Variants in OSBPL8 observed in about 807,000 individuals in gnomAD.
OSBPL8 encodes the protein oxysterol-binding protein-related protein 8.
A neutral mutation model predicts 125.5 loss-of-function variants in OSBPL8; 59 were observed. That is an observed-to-expected ratio of 0.47 (90% CI 0.38 to 0.58). The LOEUF (loss-of-function observed/expected upper bound fraction) is 0.58, where lower values mean the gene tolerates loss of function less well. Among genes scored for constraint, OSBPL8 ranks in the 20% least tolerant of loss-of-function variants. The pLI is 0.00. For missense variants in OSBPL8, 758 were observed against 1,047.8 expected (o/e 0.72, Z 3.82); for synonymous variants, 330 against 338.9 (o/e 0.97, Z 0.29).
Position 76,355,972 on chromosome 12 carries a change from C to T in OSBPL8, c.2587G>A (p.Asp863Asn). The stretch of plus-strand genomic sequence containing the variant: ...TAGTCTTTTTGTTGCAGAAAATAAT[C>T]CGTGGCCGGTGTGCTTGAAACTAAA... Reference protein sequence around the residue: ...NHLVSSTPATDYFLQQKDYFI... With the variant: ...NHLVSSTPATNYFLQQKDYFI... Residue 863 changes from aspartate (D) to asparagine (N), a missense_variant, in exon 24 of 24, where the codon GAT becomes AAT. Around this residue, in one of 3 missense-constraint regions of OSBPL8, gnomAD observed 572 missense variants for 762.0 expected, o/e 0.75. Coordinates refer to ENST00000261183, the MANE Select transcript of OSBPL8 (RefSeq NM_020841.5). 1.2e-6 allele frequency: 2 copies of T among 1,613,308 alleles called. No individual in the cohort carries two copies. Among genetic ancestry groups the T allele is most frequent in the Non-Finnish European group, 1.7e-6 (2 of 1,179,526 alleles).
At chr12:76,373,650 T>C (rs1057394364) in intron 17 of OSBPL8, among the ~76,000 whole-genome samples, 2 of 152,100 alleles carry the variant, frequency 1.3e-5, no homozygotes, top group African/African-American at 4.8e-5. Context: ...AAGCAGACTA[T>C]ATTAAATCAA....
chr12:76,379,479 T>C (rs981524032), intron 15 of OSBPL8, among the ~76,000 whole-genome samples: 12 of 152,150 alleles, frequency 7.9e-5, no homozygotes, highest in African/African-American at 2.9e-4. Flanking sequence ...ACAATCAAGA[T>C]ATAGAACTTC....
intron 5 of OSBPL8, among the ~76,000 whole-genome samples, chr12:76,408,143 T>TTAA (rs1555215277): frequency 2.2e-5 from 2 of 92,030 alleles, no homozygotes; most frequent in Non-Finnish European, 4.3e-5. Flanking sequence ...CCTCATCTCT[T>TTAA]AAAAAAAAAA....
At chr12:76,507,118 T>C (rs555153783) in intron 1 of OSBPL8, among the ~76,000 whole-genome samples, 16 of 151,836 alleles carry the variant, frequency 1.1e-4, no homozygotes, top group African/African-American at 3.9e-4. Flanking sequence ...ACTAGTTGAA[T>C]TCAAAGTATA....
chr12:76,447,927 G>A (rs994389910), intron 4 of OSBPL8, among the ~76,000 whole-genome samples: 1 of 152,166 alleles, frequency 6.6e-6, no homozygotes, highest in Non-Finnish European at 1.5e-5. Flanking sequence ...AGGACGTAAT[G>A]ACATAACCAA....
intron 1 of OSBPL8, among the ~76,000 whole-genome samples, chr12:76,517,139 G>A (rs1219252224): frequency 6.6e-6 from 1 of 152,076 alleles, no homozygotes; most frequent in Non-Finnish European, 1.5e-5. Flanking sequence ...GATCTCATGG[G>A]TGCTTATATA....
chr12:76,381,185 A>G (rs888704451), intron 15 of OSBPL8, among the ~76,000 whole-genome samples: 4 of 152,070 alleles, frequency 2.6e-5, no homozygotes, highest in African/African-American at 9.7e-5. Context: ...ATGTATAAGG[A>G]TATTAGATCT....
intron 3 of OSBPL8, among the ~76,000 whole-genome samples, chr12:76,457,101 A>G (rs1249056231): frequency 6.6e-6 from 1 of 152,230 alleles, no homozygotes; most frequent in East Asian, 1.9e-4. Flanking sequence ...TTTTTAAAGC[A>G]ATATGCAATT....
chr12:76,394,798 C>T (rs1216938505), intron 8 of OSBPL8, 69 bp from the exon 9 acceptor site: 4 of 1,028,334 alleles, frequency 3.9e-6, no homozygotes, highest in African/African-American at 1.7e-5. Flanking sequence ...TTACACTATC[C>T]AATATTATCT....
chr12:76,473,630 A>G (rs774862808), intron 2 of OSBPL8, among the ~76,000 whole-genome samples: 22 of 152,196 alleles, frequency 1.4e-4, no homozygotes, highest in Non-Finnish European at 2.9e-4. Context: ...GTTGCCCCCA[A>G]TACTCCACAA....
chr12:76,518,463 C>G (rs538769661), intron 1 of OSBPL8, among the ~76,000 whole-genome samples: 9 of 152,310 alleles, frequency 5.9e-5, no homozygotes, highest in Non-Finnish European at 1.2e-4. Flanking sequence ...AACAGTAGAT[C>G]TACCATTCTG....
chr12:76,378,438 T>A lies in OSBPL8; in HGVS notation c.1729+14A>T, dbSNP rs369933385. ...GAAAGCTTAATATCTAATTCAAGTA[T>A]AGAAAATATTTACCTTTACAATGAG... is the stretch of plus-strand genomic sequence containing the variant. On this transcript the variant is annotated intron_variant, in intron 16 of 23. Transcript: ENST00000261183. The A allele has an allele frequency of 6.7e-7, 1 of 1,483,960 alleles. No homozygotes were observed. Among genetic ancestry groups the A allele is most frequent in the South Asian group, 1.2e-5 (1 of 82,778 alleles). 91.9% of individuals were successfully genotyped at this position (1,483,960 alleles called of 1,614,324 possible). A position where few individuals can be genotyped will look rare whatever the true frequency, so the allele number is the denominator to read the frequency against.
At chr12:76,427,793 C>A (rs943493135) in intron 4 of OSBPL8, among the ~76,000 whole-genome samples, 1 of 151,980 alleles carries the variant, frequency 6.6e-6, no homozygotes, top group Non-Finnish European at 1.5e-5. Flanking sequence ...GAAACAGATT[C>A]TGGTCTATGG....
chr12:76,458,186 C>T (rs953544357), intron 3 of OSBPL8, among the ~76,000 whole-genome samples: 1 of 152,014 alleles, frequency 6.6e-6, no homozygotes, highest in Non-Finnish European at 1.5e-5. Flanking sequence ...GTGGGAAGAT[C>T]GCTTGAGTCT....
chr12:76,555,538 T>C (rs1951068741), intron 1 of OSBPL8, among the ~76,000 whole-genome samples: 1 of 152,224 alleles, frequency 6.6e-6, no homozygotes, highest in Non-Finnish European at 1.5e-5. Context: ...GACAAACGTT[T>C]TAATAATTTT....
intron 8 of OSBPL8, 29 bp from the exon 9 acceptor site, chr12:76,394,758 G>A (rs1953721505): frequency 5.4e-6 from 8 of 1,483,634 alleles, no homozygotes; most frequent in Non-Finnish European, 7.4e-6. Flanking sequence ...AAAATAAATG[G>A]TATAGAGTAA....
intron 1 of OSBPL8, among the ~76,000 whole-genome samples, chr12:76,543,824 C>G (rs1230151144): frequency 6.6e-6 from 1 of 152,140 alleles, no homozygotes; most frequent in Non-Finnish European, 1.5e-5. Context: ...AGAGTATACT[C>G]TGACAGGGTA....
At chr12:76,394,864 C>T in intron 8 of OSBPL8, 135 bp from the exon 9 acceptor site, 1 of 582,254 alleles carries the variant, frequency 1.7e-6, no homozygotes, top group Non-Finnish European at 2.7e-6. Flanking sequence ...GCTTTAATTT[C>T]ATCATTCTTG....
At chr12:76,419,508 C>T (rs368203948) in intron 4 of OSBPL8, among the ~76,000 whole-genome samples, 1 of 152,122 alleles carries the variant, frequency 6.6e-6, no homozygotes, top group African/African-American at 2.4e-5. Flanking sequence ...CTGGCGCCAC[C>T]ATTTACTAGC....
Sources: allele counts gnomAD v4.1 joint callset (sites outside exome capture counted in the v4.1 genomes callset), GRCh38; gene constraint gnomAD v4.1.1; regional missense constraint gnomAD v4.1.1; transcripts MANE v1.5; gene names NCBI Gene and HGNC (gene_info 2026-07-23, HGNC 2026-07-21).